INSC: variants seen among roughly 807,000 people sequenced by gnomAD.
The protein encoded by INSC is protein inscuteable homolog.
A neutral mutation model predicts 58.6 loss-of-function variants in INSC; 67 were observed. The observed-to-expected ratio is 1.14, with a 90% CI of 0.94 to 1.40. INSC has a LOEUF of 1.40. Ranked by LOEUF, INSC falls within the 40% of genes most tolerant of loss-of-function variation. The pLI is 0.00. For synonymous variants in INSC, 262 were observed against 276.1 expected, an observed-to-expected ratio of 0.95 and a Z score of 0.51; for missense variants, 714 against 692.0, an observed-to-expected ratio of 1.03 and a Z score of -0.36.
chr11:15,214,887 C>T (rs1802273862), intron 7 of INSC, among the ~76,000 whole-genome samples: 1 of 152,134 alleles, frequency 6.6e-6, no homozygotes. Flanking sequence ...GATCTCTTGC[C>T]CTTCTGCCTT....
the INSC span, among the ~76,000 whole-genome samples, chr11:15,266,737 G>T: frequency 6.6e-6 from 1 of 151,964 alleles, no homozygotes; most frequent in Non-Finnish European, 1.5e-5. Flanking sequence ...AGTGGAAAAG[G>T]TCTCTGAAGA....
At chr11:15,112,488 A>G (rs778851094), upstream of INSC, 1 of 1,610,876 alleles carries the variant, frequency 6.2e-7, no homozygotes, top group Non-Finnish European at 8.5e-7. Context: ...GCCCCCTGGC[A>G]ATGGAGAGGC....
chr11:15,139,712 T>A (rs1848323774), intron 1 of INSC, among the ~76,000 whole-genome samples: 1 of 152,252 alleles, frequency 6.6e-6, no homozygotes, highest in Admixed American at 6.5e-5. Context: ...ACACAGCTAT[T>A]AATGGATGGA....
intron 1 of INSC, among the ~76,000 whole-genome samples, chr11:15,138,030 A>G (rs1848286659): frequency 6.6e-6 from 1 of 152,170 alleles, no homozygotes; most frequent in Non-Finnish European, 1.5e-5. Context: ...GTAACTGGCC[A>G]GATTTTAATA....
chr11:15,154,560 T>C (rs999451173), intron 2 of INSC, among the ~76,000 whole-genome samples: 2 of 152,198 alleles, frequency 1.3e-5, no homozygotes, highest in African/African-American at 4.8e-5. Context: ...TTAAGTTCAC[T>C]GGAAAAAAGT....
At chr11:15,250,404 A>C (rs1852637658), downstream of INSC, among the ~76,000 whole-genome samples, 1 of 152,228 alleles carries the variant, frequency 6.6e-6, no homozygotes, top group Non-Finnish European at 1.5e-5. Context: ...AGTTCTGTGC[A>C]AATGTAAGTT....
intron 1 of INSC, among the ~76,000 whole-genome samples, chr11:15,124,090 A>G (rs962861316): frequency 3.9e-5 from 6 of 152,116 alleles, no homozygotes; most frequent in Non-Finnish European, 8.8e-5. Flanking sequence ...TCATTCACCC[A>G]CACACCCATC....
At chr11:15,215,419 T>C (rs1340548544) in intron 7 of INSC, among the ~76,000 whole-genome samples, 1 of 152,200 alleles carries the variant, frequency 6.6e-6, no homozygotes, top group Non-Finnish European at 1.5e-5. Context: ...CCTGGGCCCA[T>C]CATGGGAACT....
chr11:15,146,372 C>G (rs907648525), intron 1 of INSC, among the ~76,000 whole-genome samples: 1 of 152,176 alleles, frequency 6.6e-6, no homozygotes, highest in Middle Eastern at 3.2e-3. Flanking sequence ...GGAATCTTAT[C>G]CTTTTGGGGC....
chr11:15,190,814 G>T lies in INSC; in HGVS notation c.693G>T (p.Lys231Asn), dbSNP rs1223548598. ...CTCCCTTGTGCCGCATCATAGCCAAGGTGAGCTTCATGGTTAGGGACCAAA... is the reference window on the plus strand; with the variant it reads ...CTCCCTTGTGCCGCATCATAGCCAATGTGAGCTTCATGGTTAGGGACCAAA... The part of the protein sequence containing the change: ...EGAPLCRIIA[K>N]EGGVVALFKV... The change falls in exon 6 of 13, where the codon AAG (lysine) becomes AAT (asparagine). Residue 231 changes from lysine to asparagine, a missense_variant and splice_region_variant. Transcript: ENST00000379556. The T allele has an allele frequency of 6.2e-7, 1 of 1,609,218 alleles. No homozygotes were observed. The highest frequency in any genetic ancestry group is 1.1e-5 in the South Asian group (1 of 90,980).
chr11:15,114,879 C>A (rs947639083), upstream of INSC: 2 of 812,848 alleles, frequency 2.5e-6, no homozygotes, highest in Admixed American at 3.2e-4. Flanking sequence ...GGGGGTGGGG[C>A]GGGGGCCAGG....
At chr11:15,190,492 C>T (rs1850122838) in intron 5 of INSC, among the ~76,000 whole-genome samples, 1 of 152,150 alleles carries the variant, frequency 6.6e-6, no homozygotes, top group African/African-American at 2.4e-5. Flanking sequence ...GATATTATCC[C>T]ATATCTCTAA....
At chr11:15,227,702 C>G (rs1310596062) in intron 9 of INSC, among the ~76,000 whole-genome samples, 1 of 152,220 alleles carries the variant, frequency 6.6e-6, no homozygotes, top group African/African-American at 2.4e-5. Context: ...TGCCCCATGC[C>G]TACCATAGAC....
chr11:15,211,795 T>A (rs1851034313), intron 7 of INSC, among the ~76,000 whole-genome samples: 1 of 152,130 alleles, frequency 6.6e-6, no homozygotes, highest in African/African-American at 2.4e-5. Context: ...CAGCACTGAA[T>A]TGAAGTGATA....
At chr11:15,256,883 G>A in the INSC span, among the ~76,000 whole-genome samples, 1 of 152,088 alleles carries the variant, frequency 6.6e-6, no homozygotes, top group East Asian at 1.9e-4. Context: ...GTGGCGGGGT[G>A]GACACTCACA....
intron 2 of INSC, among the ~76,000 whole-genome samples, chr11:15,150,470 G>T (rs771783875): frequency 6.6e-6 from 1 of 152,164 alleles, no homozygotes; most frequent in Non-Finnish European, 1.5e-5. Context: ...ATTTCATTTT[G>T]CAGTGCCATT....
intron 1 of INSC, among the ~76,000 whole-genome samples, chr11:15,131,244 G>T (rs1848118976): frequency 6.6e-6 from 1 of 151,308 alleles, no homozygotes; most frequent in Non-Finnish European, 1.5e-5. Context: ...TCATCATTCA[G>T]GTTTATTTTC....
At chr11:15,265,223 A>G in the INSC span, among the ~76,000 whole-genome samples, 7 of 152,112 alleles carry the variant, frequency 4.6e-5, no homozygotes, top group African/African-American at 7.2e-5. Context: ...CTTGAATGCA[A>G]ATAGACTTAT....
intron 1 of INSC, among the ~76,000 whole-genome samples, chr11:15,119,087 G>C (rs934261744): frequency 2.6e-5 from 4 of 152,152 alleles, no homozygotes; most frequent in African/African-American, 4.8e-5. Context: ...CATTTCAAAG[G>C]CTTTCAAAGC....
Sources: allele counts gnomAD v4.1 joint callset (sites outside exome capture counted in the v4.1 genomes callset), GRCh38; gene constraint gnomAD v4.1.1; transcripts MANE v1.5; gene names NCBI Gene and HGNC (gene_info 2026-07-23, HGNC 2026-07-21).